CACUL1: variants seen among roughly 807,000 people sequenced by gnomAD.
The protein encoded by CACUL1 is CDK2 associated cullin domain 1.
Under a neutral mutation model 45.2 loss-of-function variants are expected in CACUL1, and 13 were observed. The ratio of observed to expected loss-of-function variants is 0.29; its 90% CI spans 0.19 to 0.46. The LOEUF (loss-of-function observed/expected upper bound fraction) is 0.46, where lower values mean the gene tolerates loss of function less well. CACUL1 is among the 20% of genes least tolerant of loss of function. The pLI is 1.00. For missense variants in CACUL1, 421 were observed against 471.4 expected (o/e 0.89, Z 0.99); for synonymous variants, 197 against 174.2 (o/e 1.13, Z -1.03).
intron 3 of CACUL1, among the ~76,000 whole-genome samples, chr10:118,711,248 T>C (rs187317677): frequency 6.6e-6 from 1 of 152,270 alleles, no homozygotes. Context: ...CCCAGCTAAT[T>C]TTTGTATTTT....
chr10:118,726,276 A>C (rs1358513395), intron 3 of CACUL1: 1 of 1,260,606 alleles, frequency 7.9e-7, no homozygotes, highest in East Asian at 5.6e-5. Flanking sequence ...TAAAATGCTT[A>C]CAAATCTAGA....
intron 3 of CACUL1, among the ~76,000 whole-genome samples, chr10:118,708,656 G>A (rs1020794805): frequency 1.3e-5 from 2 of 152,122 alleles, no homozygotes; most frequent in South Asian, 2.1e-4. Flanking sequence ...AAGGCTACAC[G>A]AAGTCACAAT....
At chr10:118,741,534 C>G (rs1004778410) in intron 1 of CACUL1, among the ~76,000 whole-genome samples, 11 of 152,124 alleles carry the variant, frequency 7.2e-5, no homozygotes, top group Non-Finnish European at 1.3e-4. Flanking sequence ...AAGGCACTGA[C>G]AGCTACCCGT....
At chr10:118,732,430 T>C (rs1278300448) in intron 1 of CACUL1, among the ~76,000 whole-genome samples, 3 of 152,164 alleles carry the variant, frequency 2.0e-5, no homozygotes, top group Non-Finnish European at 4.4e-5. Context: ...ATACTGTTGG[T>C]GCCCCACCCA....
chr10:118,707,726 G>A (rs1046413057), intron 3 of CACUL1, 139 bp from the exon 4 acceptor site: 7 of 533,554 alleles, frequency 1.3e-5, no homozygotes, highest in East Asian at 1.2e-4. Context: ...AGGAAGACAC[G>A]TACACTCTGA....
At chr10:118,720,039 G>A (rs1054737608) in intron 3 of CACUL1, among the ~76,000 whole-genome samples, 4 of 152,128 alleles carry the variant, frequency 2.6e-5, no homozygotes, top group Non-Finnish European at 5.9e-5. Flanking sequence ...AAAGTCAATT[G>A]AGTCTTAGAT....
At chr10:118,709,159 C>G (rs983756027) in intron 3 of CACUL1, among the ~76,000 whole-genome samples, 1 of 152,118 alleles carries the variant, frequency 6.6e-6, no homozygotes, top group East Asian at 1.9e-4. Flanking sequence ...AAAAATATAT[C>G]TATTCATTAA....
At chr10:118,716,018 C>T (rs192111871) in intron 3 of CACUL1, among the ~76,000 whole-genome samples, 2,421 of 152,260 alleles carry the variant, frequency 0.016, 29 homozygotes, top group Non-Finnish European at 0.024. Context: ...AGGCGGATCA[C>T]GAGGTCAGGA....
chr10:118,732,237 A>G (rs1845704171), intron 1 of CACUL1, among the ~76,000 whole-genome samples: 1 of 152,178 alleles, frequency 6.6e-6, no homozygotes, highest in Admixed American at 6.5e-5. Context: ...ATAAGGAGAG[A>G]TCAGATTTTG....
chr10:118,741,041 T>C (rs1845788041), intron 1 of CACUL1, among the ~76,000 whole-genome samples: 1 of 151,962 alleles, frequency 6.6e-6, no homozygotes, highest in South Asian at 2.1e-4. Flanking sequence ...AAATGATAAA[T>C]TAAGCAGTAA....
At chr10:118,687,588 C>CAGAGTGATCTCATGTAGA (rs1845220712) in intron 7 of CACUL1, among the ~76,000 whole-genome samples, 1 of 152,170 alleles carries the variant, frequency 6.6e-6, no homozygotes, top group Non-Finnish European at 1.5e-5. Flanking sequence ...AGATGAGAGC[C>CAGAGTGATCTCATGTAGA]AGAGTGATCT....
chr10:118,700,524 T>C (rs1845368328), intron 5 of CACUL1, among the ~76,000 whole-genome samples: 1 of 152,074 alleles, frequency 6.6e-6, no homozygotes, highest in South Asian at 2.1e-4. Flanking sequence ...GAGACCATCC[T>C]GGCCAACATG....
intron 1 of CACUL1, among the ~76,000 whole-genome samples, chr10:118,737,316 G>A (rs1564838047): frequency 1.3e-5 from 2 of 152,110 alleles, no homozygotes. Flanking sequence ...TAAACACTAT[G>A]GACAATTTAA....
rs1040676398 is a variant in CACUL1, at chr10:118,677,009, TTC to T, written c.*9117_*9118del. On this transcript the variant is annotated 3_prime_UTR_variant, in exon 9 of 9. Transcript: ENST00000369151. Reference sequence around the variant, plus strand: ...ACTTTCTAGTTTTTACAACATTTTTTTCTTTTTTAGTTCACAATCTGGAATTT... The same window carrying T: ...ACTTTCTAGTTTTTACAACATTTTTTTTTTTTAGTTCACAATCTGGAATTT... 9.2e-5 allele frequency: 14 copies of T among 152,200 alleles called. No individual in the cohort carries two copies. The highest frequency in any genetic ancestry group is 3.4e-4 in the African/African-American group (14 of 41,438). The allele number at this position is 152,200 out of a possible 1,614,324, so 9.4% of individuals were successfully genotyped here. A position where few individuals can be genotyped will look rare whatever the true frequency, so the allele number is the denominator to read the frequency against.
Position 118,754,789 on chromosome 10 carries a change from C to T in CACUL1, c.-27G>A. ...CTGCTGGCCCCCGGCACCCGCCCGC[C>T]TCACAGGCACCTGCCGCCTGTCTCA... On this transcript the variant is annotated 5_prime_UTR_variant, in exon 1 of 9. Coordinates refer to ENST00000369151, the MANE Select transcript of CACUL1 (RefSeq NM_153810.5). The T allele has an allele frequency of 6.5e-7, 1 of 1,529,572 alleles. No individual in the cohort carries two copies. The highest frequency in any genetic ancestry group is 8.7e-7 in the Non-Finnish European group (1 of 1,143,002). The allele number at this position is 1,529,572 out of a possible 1,614,324, so 94.8% of individuals were successfully genotyped here.
At chr10:118,686,217 G>C (rs778526286) in intron 8 of CACUL1, 49 bp from the exon 9 acceptor site, 4 of 1,427,184 alleles carry the variant, frequency 2.8e-6, no homozygotes, top group Non-Finnish European at 4.0e-6. Context: ...GACAGCATTT[G>C]ATAACAGCAG....
intron 1 of CACUL1, among the ~76,000 whole-genome samples, chr10:118,731,793 T>C (rs1845699948): frequency 6.6e-6 from 1 of 152,168 alleles, no homozygotes; most frequent in Non-Finnish European, 1.5e-5. Context: ...CTTCACGCAT[T>C]TGTCAAGACC....
At chr10:118,695,858 T>C (rs1845316968) in intron 5 of CACUL1, among the ~76,000 whole-genome samples, 1 of 152,192 alleles carries the variant, frequency 6.6e-6, no homozygotes, top group Non-Finnish European at 1.5e-5. Context: ...TTCCTCTAGA[T>C]AAGATCACTA....
intron 1 of CACUL1, among the ~76,000 whole-genome samples, chr10:118,737,011 C>T (rs1317847514): frequency 6.6e-6 from 1 of 151,434 alleles, no homozygotes; most frequent in African/African-American, 2.4e-5. Flanking sequence ...GTAAGTATAC[C>T]CTATGATGTT....
Sources: gnomAD v4.1 joint callset for allele counts (sites outside exome capture counted in the v4.1 genomes callset) on GRCh38, gnomAD v4.1.1 for gene constraint, MANE v1.5 for transcripts, NCBI Gene and HGNC (gene_info 2026-07-23, HGNC 2026-07-21) for gene names.